PTPRN2: variants seen among roughly 807,000 people sequenced by gnomAD.
PTPRN2 encodes the protein receptor-type tyrosine-protein phosphatase N2.
In PTPRN2, 74 loss-of-function variants were observed where a neutral mutation model predicts 118.8. That is an observed-to-expected ratio of 0.62 (90% CI 0.52 to 0.76). The LOEUF (loss-of-function observed/expected upper bound fraction) is 0.76. Among genes scored for constraint, PTPRN2 ranks in the 30% least tolerant of loss-of-function variants. The probability of loss-of-function intolerance (pLI) is 0.00; values close to 1 mark genes in which losing one functional copy is unlikely to be tolerated. For missense variants in PTPRN2, 1,481 were observed against 1,394.4 expected, an observed-to-expected ratio of 1.06 and a Z score of -0.99; for synonymous variants, 641 against 608.0, an observed-to-expected ratio of 1.05 and a Z score of -0.80.
intron 21 of PTPRN2, among the ~76,000 whole-genome samples, chr7:157,552,310 T>C (rs916253634): frequency 1.3e-5 from 2 of 152,170 alleles, no homozygotes; most frequent in African/African-American, 4.8e-5. Context: ...TTTTTACATA[T>C]TTCTATGTAC....
rs1045375538 is a variant in PTPRN2 at position 158,417,274 on chromosome 7, A to G, written c.163+72461T>C. Among the ~76,000 whole-genome samples, 4 of 152,012 alleles carry G rather than the reference A, an allele frequency of 2.6e-5. 1 individual carries two copies. The highest frequency in any genetic ancestry group is 1.3e-4 in the Admixed American group (2 of 15,268). On this transcript the variant is annotated intron_variant, in intron 2 of 22. Transcript: ENST00000389418. ...TGTTAAGTCATGGTGTACTACATCG[A>G]GATGCTGAAGCTTTCAGTGTCCCAC... is the stretch of plus-strand genomic sequence containing the variant.
chr7:158,053,067 A>G (rs962483883), intron 11 of PTPRN2, among the ~76,000 whole-genome samples: 1 of 152,210 alleles, frequency 6.6e-6, no homozygotes, highest in Admixed American at 6.5e-5. Flanking sequence ...CACAACCCCC[A>G]GAAGCACAGT....
rs373246515 is a variant in PTPRN2 at position 158,003,186 on chromosome 7, G to A, written c.1723+78112C>T. ...TCCCAGCACTTTGGGAGGCCGAGAC[G>A]GGCGGATCACGAGGTCAGGAGATCG... On this transcript the variant is annotated intron_variant, in intron 11 of 22. Transcript: ENST00000389418. The surrounding 1 kb of genome is among the most constrained non-coding windows in gnomAD (Gnocchi z 5.0). 1.3e-4 allele frequency among the ~76,000 whole-genome samples: 20 copies of A among 152,020 alleles called. No individual in the cohort carries two copies. The East Asian group carries it at 2.5e-3, about 19-fold the overall frequency.
intron 15 of PTPRN2, chr7:157,614,189 G>C (rs1342417329): frequency 2.2e-6 from 1 of 454,846 alleles, no homozygotes; most frequent in African/African-American, 2.0e-5. Context: ...GGAGCTCAGG[G>C]CCAAGGCAGG....
chr7:158,354,006 C>T (rs531256668), intron 2 of PTPRN2, among the ~76,000 whole-genome samples: 1 of 152,196 alleles, frequency 6.6e-6, no homozygotes, highest in African/African-American at 2.4e-5. Context: ...AGAGTGGCCA[C>T]TCGCAGCCCC....
intron 6 of PTPRN2, among the ~76,000 whole-genome samples, chr7:158,150,893 T>G (rs1820953694): frequency 6.6e-6 from 1 of 152,040 alleles, no homozygotes; most frequent in Non-Finnish European, 1.5e-5. Context: ...GGAATTATCC[T>G]ACTGGTTTGC....
chr7:157,872,321 ACACACCCATACCCAGTGTCCTCCCCC>A (rs1811139047), intron 12 of PTPRN2, among the ~76,000 whole-genome samples: 1 of 64,254 alleles, frequency 1.6e-5, no homozygotes, highest in Non-Finnish European at 3.2e-5. Flanking sequence ...TGTCCTCCCC[ACACACCCATACCCAGTGTCCTCCCCC>A]CACACACATA....
At chr7:157,731,983 C>T (rs1285023040) in intron 12 of PTPRN2, among the ~76,000 whole-genome samples, 127 of 84,166 alleles carry the variant, frequency 1.5e-3, no homozygotes, top group Non-Finnish European at 2.7e-3. Context: ...TCCCATGCGC[C>T]CAGCACAGTT....
intron 22 of PTPRN2, among the ~76,000 whole-genome samples, chr7:157,548,338 G>A (rs1798427548): frequency 6.6e-6 from 1 of 152,196 alleles, no homozygotes; most frequent in African/African-American, 2.4e-5. Context: ...TGCACAGAGA[G>A]GGCGAAATGA....
intron 10 of PTPRN2, among the ~76,000 whole-genome samples, chr7:158,101,401 C>A (rs1375037854): frequency 6.6e-6 from 1 of 152,166 alleles, no homozygotes; most frequent in African/African-American, 2.4e-5. Flanking sequence ...AATCTAAGAC[C>A]TGAAACCATA....
At chr7:158,441,824 G>A (rs1358157384) in intron 2 of PTPRN2, among the ~76,000 whole-genome samples, 6 of 147,120 alleles carry the variant, frequency 4.1e-5, no homozygotes, top group African/African-American at 1.6e-4. Flanking sequence ...GATGGTGATA[G>A]TGATGGTCAT....
intron 4 of PTPRN2, among the ~76,000 whole-genome samples, chr7:158,204,377 G>C (rs1826956213): frequency 6.6e-6 from 1 of 152,238 alleles, no homozygotes; most frequent in Non-Finnish European, 1.5e-5. Context: ...ATCCTGCCAG[G>C]ACACTTAACT....
At chr7:158,327,016 C>CAT (rs899352787) in intron 2 of PTPRN2, among the ~76,000 whole-genome samples, 1 of 151,964 alleles carries the variant, frequency 6.6e-6, no homozygotes, top group African/African-American at 2.4e-5. Flanking sequence ...TGCATTCTCA[C>CAT]ATATATACAC....
chr7:158,150,063 G>C (rs577260334), intron 6 of PTPRN2, among the ~76,000 whole-genome samples: 4 of 152,300 alleles, frequency 2.6e-5, no homozygotes, highest in Admixed American at 6.5e-5. Context: ...TAAGAAAACA[G>C]AGTCATCTGA....
At chr7:157,683,104 A>G (rs1796991752) in intron 12 of PTPRN2, among the ~76,000 whole-genome samples, 167 bp from the exon 13 acceptor site, 1 of 152,236 alleles carries the variant, frequency 6.6e-6, no homozygotes, top group Non-Finnish European at 1.5e-5. Flanking sequence ...CCGTCAAAGG[A>G]GAAGCAGAAA....
intron 10 of PTPRN2, among the ~76,000 whole-genome samples, chr7:158,082,518 G>A (rs1234161750): frequency 1.3e-5 from 2 of 152,180 alleles, no homozygotes; most frequent in Admixed American, 6.5e-5. Flanking sequence ...GTGCCATTAC[G>A]AGGCAGCACA....
At chr7:158,348,741 G>C (rs1376767434) in intron 2 of PTPRN2, among the ~76,000 whole-genome samples, 2 of 152,276 alleles carry the variant, frequency 1.3e-5, no homozygotes, top group East Asian at 3.9e-4. Flanking sequence ...TGTGTCTCCT[G>C]CCCCAACAAG....
chr7:157,731,352 A>T (rs1296554603), intron 12 of PTPRN2, among the ~76,000 whole-genome samples: 1 of 152,208 alleles, frequency 6.6e-6, no homozygotes. Context: ...CTCTGCGGTG[A>T]CTAGAACCGT....
At chr7:157,879,338 C>A (rs1299708259) in intron 12 of PTPRN2, among the ~76,000 whole-genome samples, 1 of 152,200 alleles carries the variant, frequency 6.6e-6, no homozygotes, top group Non-Finnish European at 1.5e-5. Context: ...GGAACACACC[C>A]CCCAACACGC....
Sources: gnomAD v4.1 joint callset for allele counts (sites outside exome capture counted in the v4.1 genomes callset) on GRCh38, gnomAD v4.1.1 for gene constraint, Gnocchi (gnomAD v3.1) non-coding constraint, MANE v1.5 for transcripts, NCBI Gene and HGNC (gene_info 2026-07-23, HGNC 2026-07-21) for gene names.